Variants in DCAF11 observed in about 807,000 individuals in gnomAD.
The protein encoded by DCAF11 is DDB1- and CUL4-associated factor 11.
In DCAF11, 44 loss-of-function variants were observed where a neutral mutation model predicts 76.1. The observed-to-expected ratio is 0.58, with a 90% CI of 0.45 to 0.74. The LOEUF is 0.74. Among genes scored for constraint, DCAF11 ranks in the 30% least tolerant of loss-of-function variants. The probability of loss-of-function intolerance (pLI) is 0.00; values close to 1 mark genes in which losing one functional copy is unlikely to be tolerated. For missense variants in DCAF11, 604 were observed against 709.4 expected, an observed-to-expected ratio of 0.85 and a Z score of 1.69; for synonymous variants, 258 against 255.0, an observed-to-expected ratio of 1.01 and a Z score of -0.11.
rs769521906 is a variant in DCAF11 at position 24,119,727 on chromosome 14, A to T, written c.923A>T (p.Asp308Val). The T allele has an allele frequency of 6.2e-7, 1 of 1,614,168 alleles. No homozygotes were observed. The change falls in exon 11 of 15, where the codon GAT becomes GTT. Residue 308 changes from aspartate (D) to valine (V), a missense_variant. Coordinates refer to ENST00000446197, the MANE Select transcript of DCAF11 (RefSeq NM_025230.5). Reference sequence around the variant, plus strand: ...TTCGCCTAGATTGAGTCCCATGAGGATGATGTGAATGCAGTGGCCTTTGCT... The same window carrying T: ...TTCGCCTAGATTGAGTCCCATGAGGTTGATGTGAATGCAGTGGCCTTTGCT... ...RRTLQIESHEDDVNAVAFADI... is the reference protein window; with the variant it reads ...RRTLQIESHEVDVNAVAFADI...
intron 13 of DCAF11, 51 bp downstream of exon 13, chr14:24,121,568 T>G: frequency 1.3e-6 from 2 of 1,593,190 alleles, no homozygotes; most frequent in Non-Finnish European, 1.7e-6. Context: ...GAATGACTCC[T>G]TGCCATTCCA....
At position 24,119,843 on chromosome 14, in the gene DCAF11, C is replaced by T. The variant is rs777653791; in HGVS notation, c.1039C>T (p.Pro347Ser). The change falls in exon 11 of 15, where the codon CCT becomes TCT. Residue 347 changes from proline (P) to serine (S), a missense_variant. Transcript: ENST00000446197. Reference protein sequence around the residue: ...RRTMREDDPKPVGALAGHQDG... With the variant: ...RRTMREDDPKSVGALAGHQDG... Reference sequence around the variant, plus strand: ...CACCATGCGGGAGGATGACCCCAAGCCTGTGGGTGCACTGGCTGGACACCA... The same window carrying T: ...CACCATGCGGGAGGATGACCCCAAGTCTGTGGGTGCACTGGCTGGACACCA... 1.9e-6 allele frequency: 3 copies of T among 1,613,986 alleles called. No homozygotes were observed. Among genetic ancestry groups the T allele is most frequent in the Non-Finnish European group, 8.5e-7 (1 of 1,180,006 alleles).
Position 24,117,942 on chromosome 14 carries a change from A to G in DCAF11, c.477-113A>G. On this transcript the variant is annotated intron_variant, in intron 5 of 14. Coordinates refer to ENST00000446197, the MANE Select transcript of DCAF11 (RefSeq NM_025230.5). The surrounding 1 kb of genome is among the most constrained non-coding windows in gnomAD (Gnocchi z 4.3). Reference sequence around the variant, plus strand: ...GGTTGAAAGACGGGATTGCACTCACAGCCAAAAGGGAAGAATGACTGTTCT... The same window carrying G: ...GGTTGAAAGACGGGATTGCACTCACGGCCAAAAGGGAAGAATGACTGTTCT... 1.1e-6 allele frequency: 1 copy of G among 930,600 alleles called. No homozygotes were observed. The highest frequency in any genetic ancestry group is 2.3e-5 in the Admixed American group (1 of 43,612). 57.6% of individuals were successfully genotyped at this position (930,600 alleles called of 1,614,324 possible).
In DCAF11 at chr14:24,117,992, T is replaced by C. The variant is rs748075022; in HGVS notation, c.477-63T>C. On this transcript the variant is annotated intron_variant, in intron 5 of 14. Transcript: ENST00000446197. The surrounding 1 kb of genome is among the most constrained non-coding windows in gnomAD (Gnocchi z 4.3). Reference sequence around the variant, plus strand: ...TGATATTCCAGCTCTGTTAGGATTCTGCTGATTGGGACACTCCTTATCCTG... The same window carrying C: ...TGATATTCCAGCTCTGTTAGGATTCCGCTGATTGGGACACTCCTTATCCTG... 7.6e-5 allele frequency: 92 copies of C among 1,207,696 alleles called. No individual in the cohort carries two copies. Among genetic ancestry groups the C allele is most frequent in the Non-Finnish European group, 1.1e-4 (91 of 836,208 alleles). The allele number at this position is 1,207,696 out of a possible 1,614,324, so 74.8% of individuals were successfully genotyped here.
rs2037652183 is a variant in DCAF11 at position 24,119,616 on chromosome 14, G to A, written c.906G>A (p.Gln302=). The A allele has an allele frequency of 6.2e-7, 1 of 1,614,048 alleles. No individual in the cohort carries two copies. Among genetic ancestry groups the A allele is most frequent in the African/African-American group, 1.3e-5 (1 of 74,902 alleles). ...FDREQNRRTL[Q]IESHEDDVNA... ...GAGAACAGAACCGGCGCACCCTTCA[G>A]GTATGGCTCCTGAGATAGAGCCTCT... Residue 302 remains glutamine (Q), a splice_region_variant and synonymous_variant, in exon 10 of 15, where the codon CAG becomes CAA. Transcript: ENST00000446197.
chr14:24,115,895 C>A, intron 2 of DCAF11, 146 bp downstream of exon 2: 1 of 1,016,510 alleles, frequency 9.8e-7, no homozygotes, highest in Non-Finnish European at 1.4e-6. Flanking sequence ...CCCTGCTGGG[C>A]ACCCATGGCA....
Position 24,117,090 on chromosome 14 carries a change from C to T in DCAF11, c.283+46C>T, listed in dbSNP as rs777354392. On this transcript the variant is annotated intron_variant, in intron 3 of 14. Transcript: ENST00000446197. The surrounding 1 kb of genome is among the most constrained non-coding windows in gnomAD (Gnocchi z 4.3). ...TGTTGGAAGACTTTTACTAGAAAAC[C>T]TTTTAGTGATATTTTGAATGATAGG... The T allele has an allele frequency of 1.5e-5, 25 of 1,613,086 alleles. No homozygotes were observed. Among genetic ancestry groups the T allele is most frequent in the Non-Finnish European group, 1.9e-5 (23 of 1,179,516 alleles).
intron 2 of DCAF11, among the ~76,000 whole-genome samples, chr14:24,116,697 T>C (rs2037579501): frequency 6.6e-6 from 1 of 152,198 alleles, no homozygotes; most frequent in Non-Finnish European, 1.5e-5. Context: ...GTCAACTTAG[T>C]AGGTCACGTC....
In DCAF11 at chr14:24,116,969, C is replaced by T; in HGVS notation, c.208C>T (p.Gln70Ter). The T allele has an allele frequency of 6.2e-7, 1 of 1,614,176 alleles. No individual in the cohort carries two copies. Among genetic ancestry groups the T allele is most frequent in the Non-Finnish European group, 8.5e-7 (1 of 1,180,016 alleles). Reference protein sequence around the residue: ...GGGAANLQFIQALLDSEEEND... With the variant: ...GGGAANLQFI ...AGGTGCAGCAAATTTACAATTCATT[C>T]AGGCCCTCTTGGACTCAGAGGAAGA... Residue 70 changes from glutamine to a stop codon, truncating the protein, a stop_gained, in exon 3 of 15, where the codon CAG (glutamine) becomes TAG (stop). Transcript: ENST00000446197. LOFTEE classifies it high-confidence loss of function.
At chr14:24,118,612 G>A in intron 7 of DCAF11, 78 bp downstream of exon 7, 1 of 1,597,988 alleles carries the variant, frequency 6.3e-7, no homozygotes, top group Non-Finnish European at 8.5e-7. Context: ...TCTGAGCCAG[G>A]ATCCCTCACT....
intron 8 of DCAF11, 95 bp downstream of exon 8, chr14:24,118,899 A>C: frequency 7.0e-7 from 1 of 1,419,740 alleles, no homozygotes. Flanking sequence ...TGTTTAGGGG[A>C]AAAAGTATAC....
chr14:24,116,880 A>G (rs767818870), intron 2 of DCAF11, 37 bp from the exon 3 acceptor site: 18 of 1,613,230 alleles, frequency 1.1e-5, no homozygotes, highest in Non-Finnish European at 1.5e-5. Context: ...GTTTGGGGGA[A>G]GAAGTCCCCT....
chr14:24,120,004 G>C, intron 11 of DCAF11, 108 bp downstream of exon 11: 1 of 1,366,260 alleles, frequency 7.3e-7, no homozygotes, highest in Non-Finnish European at 9.7e-7. Context: ...TATTAACCAA[G>C]GTTTGTAAGA....
At chr14:24,115,970 G>A (rs1380708560) in intron 2 of DCAF11, among the ~76,000 whole-genome samples, 1 of 151,786 alleles carries the variant, frequency 6.6e-6, no homozygotes, top group Admixed American at 6.6e-5. Context: ...ACCTGCTCAT[G>A]TGTTTGAGGG....
intron 2 of DCAF11, 96 bp from the exon 3 acceptor site, chr14:24,116,821 G>A: frequency 6.4e-7 from 1 of 1,564,618 alleles, no homozygotes; most frequent in South Asian, 1.1e-5. Flanking sequence ...CTCAAAATGA[G>A]TACCAAGTGG....
chr14:24,125,179 C>T lies in DCAF11; in HGVS notation c.*1870C>T, dbSNP rs2037760040. On this transcript the variant is annotated 3_prime_UTR_variant, in exon 15 of 15. Coordinates refer to ENST00000446197, the MANE Select transcript of DCAF11 (RefSeq NM_025230.5). Reference sequence around the variant, plus strand: ...TGAGCCGTGATTGTGCCAATGTACTCCAGCCTAGGTGACAGAGTGAGACCC... The same window carrying T: ...TGAGCCGTGATTGTGCCAATGTACTTCAGCCTAGGTGACAGAGTGAGACCC... 6.6e-6 allele frequency: 1 copy of T among 152,138 alleles called. No individual in the cohort carries two copies. The highest frequency in any genetic ancestry group is 2.1e-4 in the South Asian group (1 of 4,814). The allele number at this position is 152,138 out of a possible 1,614,324, so 9.4% of individuals were successfully genotyped here.
intron 6 of DCAF11, 53 bp downstream of exon 6, chr14:24,118,208 C>G (rs183061328): frequency 1.5e-5 from 24 of 1,575,644 alleles, no homozygotes; most frequent in Admixed American, 3.4e-5. Flanking sequence ...GGGACATTCC[C>G]CCTGACTGAG....
chr14:24,115,784 C>T (rs368846195), intron 2 of DCAF11, 35 bp downstream of exon 2: 1 of 1,598,712 alleles, frequency 6.3e-7, no homozygotes, highest in African/African-American at 1.3e-5. Flanking sequence ...CCAGCAGGTG[C>T]TACCACAGTG....
At chr14:24,121,696 T>A in intron 13 of DCAF11, 179 bp downstream of exon 13, 2 of 679,726 alleles carry the variant, frequency 2.9e-6, no homozygotes, top group Non-Finnish European at 4.7e-6. Context: ...TGTTTTAAAT[T>A]AAGAAAAGGA....
Sources: allele counts gnomAD v4.1 joint callset (sites outside exome capture counted in the v4.1 genomes callset), GRCh38; gene constraint gnomAD v4.1.1; non-coding constraint Gnocchi (gnomAD v3.1); transcripts MANE v1.5; gene names NCBI Gene and HGNC (gene_info 2026-07-23, HGNC 2026-07-21).